GRIP1: variants seen among roughly 807,000 people sequenced by gnomAD.
The protein encoded by GRIP1 is glutamate receptor interacting protein 1.
A neutral mutation model predicts 129.9 loss-of-function variants in GRIP1; 45 were observed. The ratio of observed to expected loss-of-function variants is 0.35; its 90% CI spans 0.27 to 0.44. The LOEUF is 0.44. Ranked by LOEUF, GRIP1 falls within the 20% of genes least tolerant of loss-of-function variation. GRIP1 has a pLI of 1.00. For synonymous variants in GRIP1, 530 were observed against 520.8 expected (o/e 1.02, Z -0.24); for missense variants, 1,196 against 1,396.8 (o/e 0.86, Z 2.29).
At chr12:66,435,204 T>TG (rs1203114753) in intron 13 of GRIP1, among the ~76,000 whole-genome samples, 2 of 149,566 alleles carry the variant, frequency 1.3e-5, no homozygotes, top group Non-Finnish European at 3.0e-5. Flanking sequence ...GTGTGACCAT[T>TG]TTTTTTTTTT....
At chr12:66,904,958 T>G (rs865851536) in intron 1 of GRIP1, among the ~76,000 whole-genome samples, 1 of 150,892 alleles carries the variant, frequency 6.6e-6, no homozygotes, top group African/African-American at 2.4e-5. Context: ...CAAAAGAGAG[T>G]TTAAAAGATT....
At chr12:66,377,638 C>CTTTTTTTTTTTTTTT (rs3045282) in intron 20 of GRIP1, among the ~76,000 whole-genome samples, 85 of 124,580 alleles carry the variant, frequency 6.8e-4, no homozygotes, top group African/African-American at 2.4e-3. Context: ...CGCACCCGGC[C>CTTTTTTTTTTTTTTT]TTTTTTTTTT....
chr12:66,985,412 T>C (rs1270652797), intron 1 of GRIP1, among the ~76,000 whole-genome samples: 1 of 152,110 alleles, frequency 6.6e-6, no homozygotes, highest in Non-Finnish European at 1.5e-5. Context: ...AATAAATAAA[T>C]AAATTAAATA....
chr12:66,867,081 CA>C (rs1275788804), intron 1 of GRIP1, among the ~76,000 whole-genome samples: 1 of 152,138 alleles, frequency 6.6e-6, no homozygotes, highest in African/African-American at 2.4e-5. Flanking sequence ...CTCCACCTCC[CA>C]GGTTCAAGTG....
chr12:66,957,902 G>A (rs1221065901), intron 1 of GRIP1, among the ~76,000 whole-genome samples: 1 of 152,074 alleles, frequency 6.6e-6, no homozygotes, highest in Non-Finnish European at 1.5e-5. Flanking sequence ...CCTTGAAAGT[G>A]CAGTATCTGC....
intron 13 of GRIP1, among the ~76,000 whole-genome samples, chr12:66,442,144 T>C (rs985420016): frequency 3.9e-5 from 6 of 152,228 alleles, no homozygotes; most frequent in Non-Finnish European, 8.8e-5. Flanking sequence ...AAATGCTCCA[T>C]GGCTTCATTA....
At chr12:66,522,022 C>A (rs1462081404) in intron 5 of GRIP1, among the ~76,000 whole-genome samples, 1 of 152,196 alleles carries the variant, frequency 6.6e-6, no homozygotes, top group Non-Finnish European at 1.5e-5. Context: ...CTGGGCGGAG[C>A]CCACCACAGC....
intron 1 of GRIP1, among the ~76,000 whole-genome samples, chr12:66,801,645 G>T (rs1323622223): frequency 6.6e-6 from 1 of 152,088 alleles, no homozygotes; most frequent in African/African-American, 2.4e-5. Flanking sequence ...CAGACTTGGA[G>T]AATTTTCTGG....
At chr12:66,522,042 C>T (rs2061030200) in intron 5 of GRIP1, among the ~76,000 whole-genome samples, 2 of 152,242 alleles carry the variant, frequency 1.3e-5, no homozygotes, top group African/African-American at 2.4e-5. Context: ...CTCAAGGAGG[C>T]CTGCCTGCCT....
intron 1 of GRIP1, among the ~76,000 whole-genome samples, chr12:67,058,326 C>G (rs2043472796): frequency 6.6e-6 from 1 of 152,094 alleles, no homozygotes; most frequent in Non-Finnish European, 1.5e-5. Context: ...AATTGTGTAT[C>G]AGATTTTCAA....
intron 1 of GRIP1, among the ~76,000 whole-genome samples, chr12:66,631,028 C>G (rs1266521707): frequency 1.3e-5 from 2 of 152,092 alleles, no homozygotes; most frequent in Non-Finnish European, 2.9e-5. Flanking sequence ...CTCCGCCTCC[C>G]AGGTTCAAAC....
intron 1 of GRIP1, among the ~76,000 whole-genome samples, chr12:66,695,842 C>T (rs2035138810): frequency 1.3e-5 from 2 of 151,906 alleles, no homozygotes; most frequent in Non-Finnish European, 2.9e-5. Flanking sequence ...TGTGTGGATG[C>T]AAAAGGGAGA....
At chr12:66,521,540 T>C (rs1480417619) in intron 5 of GRIP1, among the ~76,000 whole-genome samples, 4 of 152,160 alleles carry the variant, frequency 2.6e-5, no homozygotes, top group Admixed American at 6.5e-5. Flanking sequence ...AGTGGCCAAA[T>C]AGGAACAGCT....
intron 1 of GRIP1, among the ~76,000 whole-genome samples, chr12:66,862,526 T>C (rs866994097): frequency 6.6e-6 from 1 of 152,170 alleles, no homozygotes; most frequent in African/African-American, 2.4e-5. Context: ...TGAATGGGAC[T>C]GTTTTCTTCT....
intron 24 of GRIP1, among the ~76,000 whole-genome samples, chr12:66,353,207 G>T (rs753230398): frequency 3.3e-5 from 5 of 152,124 alleles, no homozygotes; most frequent in Non-Finnish European, 7.4e-5. Flanking sequence ...AAAAAAACTG[G>T]TAAGAAACCA....
chr12:66,916,974 G>T (rs2041134240), intron 1 of GRIP1, among the ~76,000 whole-genome samples: 1 of 152,100 alleles, frequency 6.6e-6, no homozygotes, highest in African/African-American at 2.4e-5. Context: ...AATAAGATTA[G>T]ACATTTTTGT....
At chr12:66,906,587 T>C (rs2040936673) in intron 1 of GRIP1, among the ~76,000 whole-genome samples, 1 of 152,184 alleles carries the variant, frequency 6.6e-6, no homozygotes, top group African/African-American at 2.4e-5. Flanking sequence ...GGCAGGATAC[T>C]GGCCTCTCAA....
intron 11 of GRIP1, among the ~76,000 whole-genome samples, chr12:66,447,492 A>G (rs1444092102): frequency 2.6e-5 from 4 of 152,220 alleles, no homozygotes; most frequent in South Asian, 2.1e-4. Flanking sequence ...CTCATTTCCT[A>G]TAAGACTGAA....
chr12:66,846,012 T>C (rs1013082122), intron 1 of GRIP1, among the ~76,000 whole-genome samples: 2 of 152,188 alleles, frequency 1.3e-5, no homozygotes, highest in African/African-American at 4.8e-5. Flanking sequence ...ATTGTGCTTC[T>C]GAATCTTGAT....
Sources: allele counts gnomAD v4.1 joint callset (sites outside exome capture counted in the v4.1 genomes callset), GRCh38; gene constraint gnomAD v4.1.1; transcripts MANE v1.5; gene names NCBI Gene and HGNC (gene_info 2026-07-23, HGNC 2026-07-21).